Variants in VAV3 observed in about 807,000 individuals in gnomAD.
The protein encoded by VAV3 is guanine nucleotide exchange factor VAV3.
In VAV3, 94 loss-of-function variants were observed where a neutral mutation model predicts 131.2. The ratio of observed to expected loss-of-function variants is 0.72; its 90% CI spans 0.61 to 0.85. VAV3 has a LOEUF of 0.85. VAV3 is among the 40% of genes least tolerant of loss of function. The pLI, the probability that VAV3 is intolerant of heterozygous loss-of-function variation, is 0.00. For synonymous variants in VAV3, 349 were observed against 342.0 expected (o/e 1.02, Z -0.22); for missense variants, 939 against 1,002.7 (o/e 0.94, Z 0.86).
At chr1:107,943,657 G>A (rs1030981315) in intron 1 of VAV3, among the ~76,000 whole-genome samples, 2 of 152,148 alleles carry the variant, frequency 1.3e-5, no homozygotes, top group South Asian at 2.1e-4. Context: ...CAGGAGAATC[G>A]CTTGAACCTG....
At position 107,889,144 on chromosome 1, in the gene VAV3, T is replaced by A. The variant is rs891051835; in HGVS notation, c.205-14127A>T. On this transcript the variant is annotated intron_variant, in intron 1 of 26. Coordinates refer to ENST00000370056, the MANE Select transcript of VAV3 (RefSeq NM_006113.5). ...TTCTCCTGTGTAGAGTGTGTGTGTG[T>A]GTGTGTGTGTGTGTGTGTGTGTGTG... 5.1e-3 allele frequency among the ~76,000 whole-genome samples: 775 copies of A among 150,906 alleles called. 12 individuals are homozygous for A. The highest frequency in any genetic ancestry group is 0.018 in the African/African-American group (744 of 41,028).
Position 107,822,163 on chromosome 1 carries a change from G to A in VAV3, c.322-42671C>T, listed in dbSNP as rs571546373. Among the ~76,000 whole-genome samples, 39 of 152,254 alleles carry A rather than the reference G, an allele frequency of 2.6e-4. 1 individual carries two copies. The South Asian group carries it at 7.7e-3, about 30-fold the overall frequency. ...TCTTGAGGCAAAACTCCTGGTGGGT[G>A]AGAGTTCCACAGTGGGCATGCTTTG... On this transcript the variant is annotated intron_variant, in intron 2 of 26. Transcript: ENST00000370056.
At chr1:107,827,582 G>T (rs564506861) in intron 2 of VAV3, among the ~76,000 whole-genome samples, 10 of 152,162 alleles carry the variant, frequency 6.6e-5, no homozygotes, top group African/African-American at 2.4e-4. Flanking sequence ...CATGATCAAA[G>T]AACTCATTTA....
At chr1:107,882,510 C>G (rs1670831135) in intron 1 of VAV3, among the ~76,000 whole-genome samples, 1 of 152,098 alleles carries the variant, frequency 6.6e-6, no homozygotes, top group Non-Finnish European at 1.5e-5. Context: ...CTCCTCTATA[C>G]CTCTCCAAAG....
intron 19 of VAV3, among the ~76,000 whole-genome samples, chr1:107,650,397 C>T (rs11805351): frequency 0.029 from 4,353 of 152,106 alleles, 93 homozygotes; most frequent in South Asian, 0.052. Flanking sequence ...CTACTATTCT[C>T]ACTCCTTAAA....
In VAV3 at chr1:107,704,941, C is replaced by G. The variant is rs1660350866; in HGVS notation, c.1604+19G>C. ...ATATCAGTTCCTTTAAACTGAAAAC[C>G]AGGACTGAGCAGGCTTACCTCAGGA... is the stretch of plus-strand genomic sequence containing the variant. On this transcript the variant is annotated intron_variant, in intron 16 of 26. Coordinates refer to ENST00000370056, the MANE Select transcript of VAV3 (RefSeq NM_006113.5). 2 of 1,604,906 alleles carry G rather than the reference C, an allele frequency of 1.2e-6. No homozygotes were observed. Among genetic ancestry groups the G allele is most frequent in the South Asian group, 1.1e-5 (1 of 90,682 alleles).
intron 20 of VAV3, among the ~76,000 whole-genome samples, chr1:107,633,944 A>AACC (rs1488910428): frequency 6.6e-6 from 1 of 152,110 alleles, no homozygotes; most frequent in Non-Finnish European, 1.5e-5. Flanking sequence ...GAAGCAGAAG[A>AACC]ACCACCTTAT....
intron 1 of VAV3, among the ~76,000 whole-genome samples, chr1:107,918,526 C>T (rs1387270238): frequency 6.6e-6 from 1 of 151,718 alleles, no homozygotes; most frequent in Non-Finnish European, 1.5e-5. Flanking sequence ...ATGAAAGAGG[C>T]CAAAGAAACC....
At chr1:107,848,204 T>C (rs189923930) in intron 2 of VAV3, among the ~76,000 whole-genome samples, 3 of 151,634 alleles carry the variant, frequency 2.0e-5, no homozygotes, top group East Asian at 1.9e-4. Context: ...TCCCAGCTAA[T>C]TGGGAGGCTT....
chr1:107,818,160 C>A (rs1570994908), intron 2 of VAV3, among the ~76,000 whole-genome samples: 1 of 152,118 alleles, frequency 6.6e-6, no homozygotes, highest in East Asian at 1.9e-4. Context: ...AGCAACCTTC[C>A]CCTAGAGCTG....
chr1:107,726,538 T>C lies in VAV3; in HGVS notation c.1503-21477A>G, dbSNP rs965829431. On this transcript the variant is annotated intron_variant, in intron 15 of 26. Transcript: ENST00000370056. ...ATAACGCTCTGGCTTCTTGTGCTTG[T>C]AACATCAAAAAGCCTTCTTCACTAA... Among the ~76,000 whole-genome samples, 8 of 150,404 alleles carry C rather than the reference T, an allele frequency of 5.3e-5. No homozygotes were observed. In the Admixed American group the frequency reaches 5.4e-4, roughly 10 times the overall value.
At chr1:107,907,582 T>A (rs1458558864) in intron 1 of VAV3, among the ~76,000 whole-genome samples, 1 of 152,158 alleles carries the variant, frequency 6.6e-6, no homozygotes, top group Non-Finnish European at 1.5e-5. Flanking sequence ...AAAGCTGTTA[T>A]CAAAGGAGTG....
chr1:107,595,384 C>A (rs1651289893), intron 25 of VAV3, among the ~76,000 whole-genome samples: 1 of 151,438 alleles, frequency 6.6e-6, no homozygotes. Flanking sequence ...TTATATTAAA[C>A]CGACGCAAAT....
At chr1:107,758,524 T>C (rs536067923) in intron 10 of VAV3, among the ~76,000 whole-genome samples, 19 of 152,262 alleles carry the variant, frequency 1.2e-4, no homozygotes, top group African/African-American at 4.3e-4. Context: ...ACTACACCAT[T>C]GCACTCTAGC....
intron 1 of VAV3, among the ~76,000 whole-genome samples, chr1:107,956,350 T>A (rs1674812512): frequency 6.6e-6 from 1 of 152,186 alleles, no homozygotes; most frequent in Admixed American, 6.5e-5. Context: ...TCTCAAACTT[T>A]TTTTTCCTCA....
At position 107,642,713 on chromosome 1, in the gene VAV3, G is replaced by A. The variant is rs1264229536; in HGVS notation, c.1820C>T (p.Pro607Leu). 6.2e-7 allele frequency: 1 copy of A among 1,613,258 alleles called. No homozygotes were observed. Among genetic ancestry groups the A allele is most frequent in the African/African-American group, 1.3e-5 (1 of 74,928 alleles). The change falls in exon 20 of 27, where the codon CCA (proline) becomes CTA (leucine). Residue 607 changes from proline to leucine, a missense_variant. Pro to Leu is a moderately conservative substitution (Grantham distance 98). Transcript: ENST00000370056. ...GGGTCCTTCATGCAGAGCTGGGGGT[G>A]GTGTTCCAGAATAGTTCCTAATGAC... Reference protein sequence around the residue: ...MQVIRNYSGTPPPALHEGPPL... With the variant: ...MQVIRNYSGTLPPALHEGPPL...
intron 2 of VAV3, among the ~76,000 whole-genome samples, chr1:107,871,028 T>C (rs1384361753): frequency 6.6e-6 from 1 of 152,146 alleles, no homozygotes; most frequent in African/African-American, 2.4e-5. Flanking sequence ...GACAGCTCAG[T>C]AGGAAACATT....
At chr1:107,917,094 AG>A (rs1672660111) in intron 1 of VAV3, among the ~76,000 whole-genome samples, 1 of 152,182 alleles carries the variant, frequency 6.6e-6, no homozygotes, top group South Asian at 2.1e-4. Flanking sequence ...GGGTGCAGAA[AG>A]TCATCATGGT....
chr1:107,938,354 G>C (rs1414123545), intron 1 of VAV3, among the ~76,000 whole-genome samples: 3 of 152,336 alleles, frequency 2.0e-5, no homozygotes, highest in Non-Finnish European at 4.4e-5. Flanking sequence ...GAAGGCGAGA[G>C]GCAGGAGTGT....
Sources: gnomAD v4.1 joint callset for allele counts (sites outside exome capture counted in the v4.1 genomes callset) on GRCh38, gnomAD v4.1.1 for gene constraint, MANE v1.5 for transcripts, NCBI Gene and HGNC (gene_info 2026-07-23, HGNC 2026-07-21) for gene names.